Variants in PHLPP1 observed in about 807,000 individuals in gnomAD.
The protein encoded by PHLPP1 is PH domain and leucine rich repeat protein phosphatase 1.
A neutral mutation model predicts 117.2 loss-of-function variants in PHLPP1; 42 were observed. The ratio of observed to expected loss-of-function variants is 0.36; its 90% CI spans 0.28 to 0.46. PHLPP1 has a LOEUF of 0.46. Among genes scored for constraint, PHLPP1 ranks in the 20% least tolerant of loss-of-function variants. PHLPP1 has a pLI of 1.00. For missense variants in PHLPP1, 2,084 were observed against 2,241.9 expected, an observed-to-expected ratio of 0.93 and a Z score of 1.42; for synonymous variants, 1,042 against 970.7, an observed-to-expected ratio of 1.07 and a Z score of -1.37.
chr18:62,729,393 A>G (rs753401295), intron 1 of PHLPP1, among the ~76,000 whole-genome samples: 2 of 152,162 alleles, frequency 1.3e-5, no homozygotes, highest in Admixed American at 6.5e-5. Flanking sequence ...CTCCGGACCC[A>G]TTGCTGTAAA....
chr18:62,978,611 C>G lies in PHLPP1; in HGVS notation c.4334C>G (p.Pro1445Arg). The part of the protein sequence containing the change: ...SAGGAVPPPS[P>R]GIFPPSVNMV... ...GGTGGGGCTGTGCCACCACCCAGTCCTGGCATCTTTCCTCCCTCAGTGAAC... is the reference window on the plus strand; with the variant it reads ...GGTGGGGCTGTGCCACCACCCAGTCGTGGCATCTTTCCTCCCTCAGTGAAC... Residue 1445 changes from proline to arginine, a missense_variant, in exon 17 of 17, where the codon CCT (proline) becomes CGT (arginine). Coordinates refer to ENST00000262719, the MANE Select transcript of PHLPP1 (RefSeq NM_194449.4). This position sits in a 1 kb window ranked among gnomAD's most constrained non-coding sequence, Gnocchi z 7.0. 1.9e-6 allele frequency: 3 copies of G among 1,613,646 alleles called. No homozygotes were observed. The highest frequency in any genetic ancestry group is 2.5e-6 in the Non-Finnish European group (3 of 1,179,652).
Position 62,819,707 on chromosome 18 carries a change from G to A in PHLPP1, c.1577-10328G>A, listed in dbSNP as rs540806054. On this transcript the variant is annotated intron_variant, in intron 1 of 16. Coordinates refer to ENST00000262719, the MANE Select transcript of PHLPP1 (RefSeq NM_194449.4). ...GTTGCACAGGCTGGAGTGCAATGGT[G>A]CAATCTGGGCTCACTGCAACCTCTG... Among the ~76,000 whole-genome samples, 4 of 152,274 alleles carry A rather than the reference G, an allele frequency of 2.6e-5. 1 individual carries two copies. The South Asian group carries it at 8.3e-4, about 32-fold the overall frequency.
At chr18:62,746,039 A>G (rs1029874196) in intron 1 of PHLPP1, among the ~76,000 whole-genome samples, 3 of 152,254 alleles carry the variant, frequency 2.0e-5, no homozygotes, top group Middle Eastern at 3.4e-3. Flanking sequence ...AAGATGGAAG[A>G]AAAACTAATT....
Position 62,914,834 on chromosome 18 carries a change from T to G in PHLPP1, c.2709-79T>G, listed in dbSNP as rs1909219359. 6 of 941,102 alleles carry G rather than the reference T, an allele frequency of 6.4e-6. No individual in the cohort carries two copies. The South Asian group carries it at 9.0e-5, about 14-fold the overall frequency. The allele number at this position is 941,102 out of a possible 1,614,324, so 58.3% of individuals were successfully genotyped here. A position where few individuals can be genotyped will look rare whatever the true frequency, so the allele number is the denominator to read the frequency against. ...TTGGTATTTTATTTGAGGTTTTATT[T>G]ATTCTTTGTAATCAATTTGAGTTTA... is the stretch of plus-strand genomic sequence containing the variant. On this transcript the variant is annotated intron_variant, in intron 8 of 16. Coordinates refer to ENST00000262719, the MANE Select transcript of PHLPP1 (RefSeq NM_194449.4).
rs77863236 is a variant in PHLPP1 at position 62,816,166 on chromosome 18, G to T, written c.1577-13869G>T. On this transcript the variant is annotated intron_variant, in intron 1 of 16. Coordinates refer to ENST00000262719, the MANE Select transcript of PHLPP1 (RefSeq NM_194449.4). Reference sequence around the variant, plus strand: ...TTTAAGTTTTTTTCTTAGATTAAATGTCTGGAAGTTGAAAAGAGTACAAAA... The same window carrying T: ...TTTAAGTTTTTTTCTTAGATTAAATTTCTGGAAGTTGAAAAGAGTACAAAA... Among the ~76,000 whole-genome samples the T allele has an allele frequency of 8.3e-3, 1,258 of 152,176 alleles. 21 individuals carry two copies. The highest frequency in any genetic ancestry group is 0.029 in the African/African-American group (1,204 of 41,516).
intron 1 of PHLPP1, among the ~76,000 whole-genome samples, chr18:62,814,235 A>T (rs1183391020): frequency 6.6e-6 from 1 of 152,208 alleles, no homozygotes; most frequent in East Asian, 1.9e-4. Flanking sequence ...ATATATTTTG[A>T]TCTGATGCAT....
intron 1 of PHLPP1, among the ~76,000 whole-genome samples, chr18:62,808,316 T>C (rs909436094): frequency 1.3e-5 from 2 of 151,974 alleles, no homozygotes; most frequent in African/African-American, 2.4e-5. Context: ...GAGATAGAAA[T>C]TGGGAAGTTG....
intron 3 of PHLPP1, among the ~76,000 whole-genome samples, chr18:62,840,978 C>T (rs1474781289): frequency 6.6e-6 from 1 of 152,208 alleles, no homozygotes; most frequent in African/African-American, 2.4e-5. Flanking sequence ...CAACCTCCAC[C>T]TCCTGGGTTC....
rs1916765659 is a variant in PHLPP1 at position 62,903,079 on chromosome 18, A to G, written c.2560A>G (p.Ile854Val). The change falls in exon 7 of 17, where the codon ATT (isoleucine) becomes GTT (valine). Residue 854 changes from isoleucine to valine, a missense_variant. This residue lies in a region of PHLPP1 where 1,365 missense variants were observed against 1,605.9 expected (regional missense o/e 0.85). Coordinates refer to ENST00000262719, the MANE Select transcript of PHLPP1 (RefSeq NM_194449.4). ...TCTAGATGCTATGATTTTCAACAACATTGAAGTTTTACACTGTGAAAGGAA... is the reference window on the plus strand; with the variant it reads ...TCTAGATGCTATGATTTTCAACAACGTTGAAGTTTTACACTGTGAAAGGAA... ...GDLDAMIFNN[I>V]EVLHCERNQL... The G allele has an allele frequency of 6.2e-7, 1 of 1,613,374 alleles. No homozygotes were observed. Among genetic ancestry groups the G allele is most frequent in the South Asian group, 1.1e-5 (1 of 91,074 alleles).
intron 1 of PHLPP1, among the ~76,000 whole-genome samples, chr18:62,804,385 T>C (rs1371799493): frequency 6.6e-6 from 1 of 151,876 alleles, no homozygotes; most frequent in Non-Finnish European, 1.5e-5. Context: ...GTCTAGTTTT[T>C]TTATTCATTT....
chr18:62,763,180 G>C (rs892329282), intron 1 of PHLPP1, among the ~76,000 whole-genome samples: 1 of 152,226 alleles, frequency 6.6e-6, no homozygotes, highest in African/African-American at 2.4e-5. Flanking sequence ...CTCCCAAGCT[G>C]TGTAGAGAAG....
chr18:62,766,060 C>CAAAAAAAAAAAAAAA (rs1168861892), intron 1 of PHLPP1, among the ~76,000 whole-genome samples: 4 of 15,234 alleles, frequency 2.6e-4, no homozygotes, highest in African/African-American at 9.3e-4. Context: ...GACTCCATCT[C>CAAAAAAAAAAAAAAA]AAAAAAAAAA....
rs1555664937 is a variant in PHLPP1, at chr18:62,715,656, T to TA, written c.-28_-27insA. The stretch of plus-strand genomic sequence containing the variant: ...CCTCTCCGCCCGCTGCCTCCGGAGC[T>TA]GGGGGGGAAACGCGAAGCCCCACTG... On this transcript the variant is annotated 5_prime_UTR_variant, in exon 1 of 17. Transcript: ENST00000262719. The TA allele has an allele frequency of 1.6e-6, 2 of 1,261,132 alleles. No homozygotes were observed. Among genetic ancestry groups the TA allele is most frequent in the East Asian group, 6.3e-5 (2 of 31,914 alleles). The allele number at this position is 1,261,132 out of a possible 1,614,324, so 78.1% of individuals were successfully genotyped here.
chr18:62,718,314 A>G (rs776734108), intron 1 of PHLPP1, among the ~76,000 whole-genome samples: 1 of 152,212 alleles, frequency 6.6e-6, no homozygotes, highest in Non-Finnish European at 1.5e-5. Flanking sequence ...GTTGTAGGTG[A>G]TGGTGGAAAA....
chr18:62,863,065 T>TA (rs948126552), intron 4 of PHLPP1, among the ~76,000 whole-genome samples: 1 of 141,214 alleles, frequency 7.1e-6, no homozygotes, highest in African/African-American at 2.6e-5. Context: ...TTTTTTTTTT[T>TA]AATTGAAAGC....
intron 11 of PHLPP1, among the ~76,000 whole-genome samples, chr18:62,942,878 C>T (rs1910169282): frequency 6.6e-6 from 1 of 152,134 alleles, no homozygotes; most frequent in Admixed American, 6.5e-5. Flanking sequence ...TATATGTTGA[C>T]TTAAAGTATT....
At chr18:62,739,677 C>T (rs539664549) in intron 1 of PHLPP1, among the ~76,000 whole-genome samples, 1 of 152,156 alleles carries the variant, frequency 6.6e-6, no homozygotes, top group East Asian at 1.9e-4. Flanking sequence ...AAGAAATAAG[C>T]AGGCATGGAG....
chr18:62,922,902 A>C (rs1012488120), intron 10 of PHLPP1, among the ~76,000 whole-genome samples: 5 of 152,196 alleles, frequency 3.3e-5, no homozygotes, highest in Admixed American at 6.5e-5. Flanking sequence ...ATTGAGAACC[A>C]CTGCCTTCAT....
At chr18:62,720,679 C>G (rs1382995324) in intron 1 of PHLPP1, among the ~76,000 whole-genome samples, 1 of 151,678 alleles carries the variant, frequency 6.6e-6, no homozygotes, top group Admixed American at 6.6e-5. Flanking sequence ...TTGAACAGTC[C>G]CTTTAATTTT....
Sources: allele counts gnomAD v4.1 joint callset (sites outside exome capture counted in the v4.1 genomes callset), GRCh38; gene constraint gnomAD v4.1.1; regional missense constraint gnomAD v4.1.1; non-coding constraint Gnocchi (gnomAD v3.1); transcripts MANE v1.5; gene names NCBI Gene and HGNC (gene_info 2026-07-23, HGNC 2026-07-21).